ZMYM2: variants seen among roughly 807,000 people sequenced by gnomAD.
ZMYM2 encodes the protein zinc finger MYM-type protein 2.
In ZMYM2, 56 loss-of-function variants were observed where a neutral mutation model predicts 162.8. The ratio of observed to expected loss-of-function variants is 0.34; its 90% CI spans 0.28 to 0.43. The LOEUF (loss-of-function observed/expected upper bound fraction) is 0.43. Ranked by LOEUF, ZMYM2 falls within the 20% of genes least tolerant of loss-of-function variation. The probability of loss-of-function intolerance (pLI) is 1.00; values close to 1 mark genes in which losing one functional copy is unlikely to be tolerated. For synonymous variants in ZMYM2, 510 were observed against 541.6 expected (o/e 0.94, Z 0.81); for missense variants, 1,275 against 1,621.8 (o/e 0.79, Z 3.67).
chr13:20,025,172 T>C (rs1299349841), intron 7 of ZMYM2: 3 of 205,738 alleles, frequency 1.5e-5, no homozygotes, highest in Non-Finnish European at 3.0e-5. Context: ...ACACCTATTA[T>C]TTATGCTATC....
At chr13:20,009,211 CAGACAAAATTA>C (rs1442689416) in intron 6 of ZMYM2, among the ~76,000 whole-genome samples, 1 of 152,054 alleles carries the variant, frequency 6.6e-6, no homozygotes, top group Non-Finnish European at 1.5e-5. Context: ...GACTTCAGCG[CAGACAAAATTA>C]AGTGGACAAA....
At chr13:20,049,934 AAG>A (rs1386181295) in intron 12 of ZMYM2, among the ~76,000 whole-genome samples, 7 of 152,020 alleles carry the variant, frequency 4.6e-5, no homozygotes, top group African/African-American at 1.7e-4. Flanking sequence ...AAAAGGGAAA[AAG>A]AAACTGAAAG....
chr13:19,946,984 G>T, the ZMYM2 span, among the ~76,000 whole-genome samples: 2,496 of 151,088 alleles, frequency 0.017, 90 homozygotes, highest in African/African-American at 0.057. Context: ...CACTTTTCCA[G>T]GGTTGGATCC....
intron 21 of ZMYM2, among the ~76,000 whole-genome samples, chr13:20,080,076 G>A (rs1398230089): frequency 6.6e-6 from 1 of 152,158 alleles, no homozygotes; most frequent in Admixed American, 6.5e-5. Flanking sequence ...TATATTTTAA[G>A]CAATCACTGC....
chr13:19,924,876 A>G, the ZMYM2 span, among the ~76,000 whole-genome samples: 4 of 151,050 alleles, frequency 2.6e-5, no homozygotes, highest in Non-Finnish European at 5.9e-5. Flanking sequence ...AATTTATTGA[A>G]ACTTTTTTTT....
At chr13:19,907,285 T>C in the ZMYM2 span, among the ~76,000 whole-genome samples, 1 of 152,194 alleles carries the variant, frequency 6.6e-6, no homozygotes, top group African/African-American at 2.4e-5. Context: ...TCTATGAATC[T>C]TTTATCCGGA....
At chr13:19,944,334 C>T in the ZMYM2 span, among the ~76,000 whole-genome samples, 6 of 152,144 alleles carry the variant, frequency 3.9e-5, no homozygotes, top group South Asian at 2.1e-4. Flanking sequence ...GATAATGAAA[C>T]GACTGAGGGT....
intron 2 of ZMYM2, among the ~76,000 whole-genome samples, chr13:19,962,515 A>ATTTTTTT (rs1166788980): frequency 5.1e-5 from 2 of 38,930 alleles, no homozygotes; most frequent in Non-Finnish European, 1.2e-4. Context: ...ATATATATAT[A>ATTTTTTT]TTTTTTTTTT....
At chr13:20,045,213 CAGG>C (rs1954658637) in intron 12 of ZMYM2, among the ~76,000 whole-genome samples, 1 of 152,056 alleles carries the variant, frequency 6.6e-6, no homozygotes. Context: ...AGGAGAATTG[CAGG>C]AGTTCTGGGG....
chr13:19,959,183 G>C lies in ZMYM2; in HGVS notation c.-80+342G>C, dbSNP rs887852114. Among the ~76,000 whole-genome samples, 10 of 148,112 alleles carry C rather than the reference G, an allele frequency of 6.8e-5. No individual in the cohort carries two copies. The East Asian group carries it at 1.8e-3, about 26-fold the overall frequency. On this transcript the variant is annotated intron_variant, in intron 1 of 24. Coordinates refer to ENST00000610343, the MANE Select transcript of ZMYM2 (RefSeq NM_197968.4). ...GGGTCGCGGGGCCGGCGGGGCGGCG[G>C]GACGGCGGGACGGCGGGGCGGGGGT...
chr13:19,880,080 C>T, the ZMYM2 span, among the ~76,000 whole-genome samples: 1 of 152,178 alleles, frequency 6.6e-6, no homozygotes, highest in Middle Eastern at 3.2e-3. Context: ...CCCTCTCCAC[C>T]ACCTCCAGTT....
In ZMYM2 at chr13:20,067,914, G is replaced by C. The variant is rs146492873; in HGVS notation, c.3453+524G>C. On this transcript the variant is annotated intron_variant, in intron 21 of 24. Coordinates refer to ENST00000610343, the MANE Select transcript of ZMYM2 (RefSeq NM_197968.4). Reference sequence around the variant, plus strand: ...AGAAGTCAGAAAGAATCTCCAACTTGACATTCTATGTATTTTGAAATATGG... The same window carrying C: ...AGAAGTCAGAAAGAATCTCCAACTTCACATTCTATGTATTTTGAAATATGG... Among the ~76,000 whole-genome samples, 173 of 152,216 alleles carry C rather than the reference G, an allele frequency of 1.1e-3. 1 individual carries two copies. In the Middle Eastern group the frequency reaches 0.017, roughly 15 times the overall value.
intron 2 of ZMYM2, among the ~76,000 whole-genome samples, chr13:19,970,600 C>CAAAAAAA (rs11365281): frequency 1.1e-4 from 10 of 88,060 alleles, no homozygotes; most frequent in African/African-American, 1.6e-4. Context: ...AACCCCAAAC[C>CAAAAAAA]AAAAAAAAAA....
intron 2 of ZMYM2, among the ~76,000 whole-genome samples, chr13:19,983,377 C>G (rs1375325523): frequency 6.6e-6 from 1 of 151,986 alleles, no homozygotes; most frequent in Non-Finnish European, 1.5e-5. Flanking sequence ...AACTCCTGAC[C>G]TCAGATGATC....
At chr13:20,059,839 GC>G (rs1166386937) in intron 16 of ZMYM2, among the ~76,000 whole-genome samples, 3 of 152,016 alleles carry the variant, frequency 2.0e-5, no homozygotes, top group Non-Finnish European at 4.4e-5. Flanking sequence ...TTCAAGACCA[GC>G]CTGGGCAACA....
chr13:20,076,971 G>A (rs1957551262), intron 21 of ZMYM2, among the ~76,000 whole-genome samples: 1 of 150,260 alleles, frequency 6.7e-6, no homozygotes, highest in African/African-American at 2.5e-5. Flanking sequence ...GAGTACCTGG[G>A]ACTACAGGCC....
intron 7 of ZMYM2, among the ~76,000 whole-genome samples, chr13:20,021,021 G>A (rs1242024074): frequency 6.6e-6 from 1 of 151,352 alleles, no homozygotes; most frequent in South Asian, 2.1e-4. Context: ...TGTCACCCAG[G>A]CTGGAGTGCA....
At chr13:20,052,033 A>G (rs571158556) in intron 13 of ZMYM2, among the ~76,000 whole-genome samples, 7 of 152,284 alleles carry the variant, frequency 4.6e-5, no homozygotes, top group South Asian at 2.1e-4. Flanking sequence ...CTAAGAATAT[A>G]TAATAGTATT....
intron 21 of ZMYM2, among the ~76,000 whole-genome samples, chr13:20,072,483 T>C (rs1460723661): frequency 6.6e-6 from 1 of 152,164 alleles, no homozygotes; most frequent in African/African-American, 2.4e-5. Context: ...ATCACGCCAT[T>C]GCACTCCAGC....
Sources: allele counts gnomAD v4.1 joint callset (sites outside exome capture counted in the v4.1 genomes callset), GRCh38; gene constraint gnomAD v4.1.1; transcripts MANE v1.5; gene names NCBI Gene and HGNC (gene_info 2026-07-23, HGNC 2026-07-21).